Variants in SGCD observed in about 807,000 individuals in gnomAD.
SGCD encodes the protein sarcoglycan delta.
In SGCD, 18 loss-of-function variants were observed where a neutral mutation model predicts 36.6. The observed-to-expected ratio is 0.49, with a 90% CI of 0.34 to 0.73. The LOEUF is 0.73. Among genes scored for constraint, SGCD ranks in the 30% least tolerant of loss-of-function variants. The pLI, the probability that SGCD is intolerant of heterozygous loss-of-function variation, is 0.01. For synonymous variants in SGCD, 133 were observed against 130.6 expected, an observed-to-expected ratio of 1.02 and a Z score of -0.12; for missense variants, 387 against 346.7, an observed-to-expected ratio of 1.12 and a Z score of -0.92.
intron 1 of SGCD, among the ~76,000 whole-genome samples, chr5:155,999,454 G>A (rs1462049591): frequency 6.6e-6 from 1 of 152,072 alleles, no homozygotes; most frequent in Non-Finnish European, 1.5e-5. Context: ...TTTAAACTGG[G>A]GAGTTCAATC....
chr5:155,734,656 A>G, the SGCD span, among the ~76,000 whole-genome samples: 2 of 152,204 alleles, frequency 1.3e-5, no homozygotes, highest in African/African-American at 2.4e-5. Flanking sequence ...TTGTATTTTT[A>G]AAAACCCATT....
intron 4 of SGCD, among the ~76,000 whole-genome samples, chr5:156,521,446 A>G (rs1434586975): frequency 5.3e-5 from 8 of 152,210 alleles, no homozygotes; most frequent in Non-Finnish European, 8.8e-5. Flanking sequence ...AATTTTTGCA[A>G]TCTATCCATC....
At chr5:156,145,928 T>C (rs1206651376) in intron 3 of SGCD, among the ~76,000 whole-genome samples, 1 of 152,112 alleles carries the variant, frequency 6.6e-6, no homozygotes, top group Non-Finnish European at 1.5e-5. Flanking sequence ...AAAAAGGGAT[T>C]TGAGGCCAGG....
chr5:156,694,875 C>G (rs1754246813), intron 7 of SGCD, among the ~76,000 whole-genome samples: 1 of 151,960 alleles, frequency 6.6e-6, no homozygotes, highest in African/African-American at 2.4e-5. Flanking sequence ...GGTGCTACAC[C>G]AAAACAACCA....
intron 3 of SGCD, among the ~76,000 whole-genome samples, chr5:156,202,176 CATTG>C (rs1354000172): frequency 6.6e-6 from 1 of 152,156 alleles, no homozygotes; most frequent in Non-Finnish European, 1.5e-5. Context: ...GTGATCTCTC[CATTG>C]ATTGTGGCCC....
At chr5:156,517,207 A>G (rs190322970) in intron 4 of SGCD, among the ~76,000 whole-genome samples, 56 of 152,346 alleles carry the variant, frequency 3.7e-4, no homozygotes, top group South Asian at 1.0e-3. Flanking sequence ...ACAAGTATCA[A>G]TAGTGAAATA....
At chr5:156,564,449 C>G (rs1759395520) in intron 4 of SGCD, among the ~76,000 whole-genome samples, 3 of 151,978 alleles carry the variant, frequency 2.0e-5, no homozygotes, top group African/African-American at 7.3e-5. Context: ...GACTCCATCT[C>G]AAAACAAAAC....
chr5:156,401,900 A>G (rs1406703078), intron 3 of SGCD, among the ~76,000 whole-genome samples: 1 of 152,126 alleles, frequency 6.6e-6, no homozygotes, highest in Admixed American at 6.6e-5. Context: ...CATCATCTCA[A>G]GCTGAAACTC....
chr5:156,670,159 C>A (rs958805016), intron 7 of SGCD, among the ~76,000 whole-genome samples: 12 of 152,168 alleles, frequency 7.9e-5, no homozygotes, highest in East Asian at 7.7e-4. Context: ...TATGAAAAAA[C>A]CCAAAAAGAT....
chr5:156,014,089 A>C (rs755928452), intron 1 of SGCD, among the ~76,000 whole-genome samples: 7 of 152,078 alleles, frequency 4.6e-5, no homozygotes, highest in Non-Finnish European at 8.8e-5. Context: ...TTTAACATAC[A>C]TAATTATAGA....
At chr5:156,175,099 A>G (rs934419135) in intron 3 of SGCD, among the ~76,000 whole-genome samples, 4 of 152,174 alleles carry the variant, frequency 2.6e-5, no homozygotes, top group African/African-American at 9.7e-5. Context: ...CTGAAGAGAG[A>G]TTCTTGAATT....
chr5:156,185,361 C>T (rs1474869437), intron 3 of SGCD, among the ~76,000 whole-genome samples: 3 of 151,712 alleles, frequency 2.0e-5, no homozygotes, highest in South Asian at 2.1e-4. Context: ...ACTACAGGCG[C>T]CCGCCACCAT....
chr5:156,067,685 G>A (rs530235655), intron 1 of SGCD, among the ~76,000 whole-genome samples: 1 of 119,478 alleles, frequency 8.4e-6, no homozygotes, highest in Admixed American at 7.8e-5. Context: ...CAATATTCGG[G>A]TGGGAGTGAC....
At chr5:156,190,001 A>T (rs947019347) in intron 3 of SGCD, among the ~76,000 whole-genome samples, 10 of 152,194 alleles carry the variant, frequency 6.6e-5, no homozygotes, top group African/African-American at 1.9e-4. Flanking sequence ...TGCAATCTGG[A>T]TAAACCTATC....
At chr5:156,696,481 C>T (rs2113718273) in intron 7 of SGCD, among the ~76,000 whole-genome samples, 1 of 152,236 alleles carries the variant, frequency 6.6e-6, no homozygotes, top group Non-Finnish European at 1.5e-5. Flanking sequence ...TAACAGAAAA[C>T]AAAATCTTCT....
chr5:156,218,423 CTA>C lies in SGCD; in HGVS notation c.-44+94405_-44+94406del, dbSNP rs140708253. ...GAAAATTGCAATAGATTTTTAGCATCTAGTTATTTCATAAGATGGCAAAAAAT... is the reference window on the plus strand; with the variant it reads ...GAAAATTGCAATAGATTTTTAGCATCGTTATTTCATAAGATGGCAAAAAAT... On this transcript the variant is annotated intron_variant, in intron 3 of 9. Coordinates refer to the SGCD transcript ENST00000517913. Among the ~76,000 whole-genome samples, 1,311 of 152,180 alleles carry C rather than the reference CTA, an allele frequency of 8.6e-3. 21 individuals are homozygous for C. Among genetic ancestry groups the C allele is most frequent in the African/African-American group, 0.03 (1,243 of 41,534 alleles).
chr5:155,963,359 A>C (rs1361591115), intron 1 of SGCD, among the ~76,000 whole-genome samples: 1 of 152,154 alleles, frequency 6.6e-6, no homozygotes, highest in East Asian at 1.9e-4. Flanking sequence ...CAATTATTTG[A>C]TATCTCCCCA....
At chr5:156,110,212 G>C (rs985188364) in intron 1 of SGCD, among the ~76,000 whole-genome samples, 2 of 152,184 alleles carry the variant, frequency 1.3e-5, no homozygotes, top group Non-Finnish European at 2.9e-5. Context: ...TCCCATGTGT[G>C]AGGTGGAGAT....
At chr5:156,220,180 TTTG>T (rs1160826643) in intron 3 of SGCD, among the ~76,000 whole-genome samples, 1 of 152,154 alleles carries the variant, frequency 6.6e-6, no homozygotes, top group African/African-American at 2.4e-5. Context: ...TCCAGTTTTG[TTTG>T]TTATTTGTTT....
Sources: gnomAD v4.1 joint callset for allele counts (sites outside exome capture counted in the v4.1 genomes callset) on GRCh38, gnomAD v4.1.1 for gene constraint, MANE v1.5 for transcripts, NCBI Gene and HGNC (gene_info 2026-07-23, HGNC 2026-07-21) for gene names.